ANK3: variants seen among roughly 807,000 people sequenced by gnomAD.
ANK3 encodes the protein ankyrin 3, also known as ankyrin-3.
ANK3 carries 57 observed loss-of-function variants against 370.9 expected under a neutral mutation model. That is an observed-to-expected ratio of 0.15 (90% CI 0.12 to 0.19). ANK3 has a LOEUF of 0.19. ANK3 is among the 10% of genes least tolerant of loss of function. The pLI, the probability that ANK3 is intolerant of heterozygous loss-of-function variation, is 1.00. For synonymous variants in ANK3, 1,929 were observed against 1,946.3 expected (o/e 0.99, Z 0.23); for missense variants, 4,439 against 5,302.1 (o/e 0.84, Z 5.06).
chr10:60,062,855 A>G, intron 40 of ANK3: 1 of 271,036 alleles, frequency 3.7e-6, no homozygotes, highest in Non-Finnish European at 6.8e-6. Flanking sequence ...ATGAAATATT[A>G]GAAATACCAA....
chr10:60,307,161 T>G (rs1389551783), intron 1 of ANK3, among the ~76,000 whole-genome samples: 2 of 152,238 alleles, frequency 1.3e-5, no homozygotes, highest in African/African-American at 2.4e-5. Flanking sequence ...GGTCATTTGT[T>G]TACAAATTGT....
chr10:60,315,171 C>G (rs1235166626), intron 1 of ANK3, among the ~76,000 whole-genome samples: 3 of 152,126 alleles, frequency 2.0e-5, no homozygotes, highest in Non-Finnish European at 2.9e-5. Flanking sequence ...ACAGTCAGAA[C>G]TGTAGGGCCA....
intron 1 of ANK3, among the ~76,000 whole-genome samples, chr10:60,386,274 A>G (rs2062298121): frequency 6.6e-6 from 1 of 152,106 alleles, no homozygotes; most frequent in African/African-American, 2.4e-5. Flanking sequence ...AAGATATGGC[A>G]GGGAAGGGCA....
chr10:60,601,883 T>A (rs1048752363), intron 2 of ANK3, among the ~76,000 whole-genome samples: 1 of 152,134 alleles, frequency 6.6e-6, no homozygotes, highest in Non-Finnish European at 1.5e-5. Flanking sequence ...GTTTACTTTT[T>A]AAAAAACAAA....
intron 1 of ANK3, among the ~76,000 whole-genome samples, chr10:60,300,855 T>C (rs2043546236): frequency 2.6e-5 from 4 of 152,150 alleles, no homozygotes; most frequent in Non-Finnish European, 4.4e-5. Context: ...TTTTAAACTT[T>C]TAATTTCCTT....
At chr10:60,234,820 T>C (rs1257248250) in intron 7 of ANK3, 34 bp from the exon 8 acceptor site, 9 of 1,481,214 alleles carry the variant, frequency 6.1e-6, no homozygotes, top group Non-Finnish European at 8.5e-6. Flanking sequence ...AGATTTGATA[T>C]TTTTGGTTTC....
intron 2 of ANK3, among the ~76,000 whole-genome samples, chr10:60,452,876 A>G (rs1019843531): frequency 1.3e-5 from 2 of 152,124 alleles, no homozygotes; most frequent in African/African-American, 2.4e-5. Flanking sequence ...GCAGGTGCTC[A>G]CAGCTTTTAG....
intron 2 of ANK3, among the ~76,000 whole-genome samples, chr10:60,482,529 C>T (rs1187179402): frequency 4.6e-5 from 7 of 152,100 alleles, no homozygotes; most frequent in African/African-American, 9.7e-5. Flanking sequence ...ACTCTGTCAC[C>T]CAGGCTGGAG....
At chr10:60,063,827 G>A (rs1295350737) in intron 39 of ANK3, among the ~76,000 whole-genome samples, 2 of 152,106 alleles carry the variant, frequency 1.3e-5, no homozygotes, top group African/African-American at 2.4e-5. Context: ...TGGTAACTTC[G>A]GAGTGTTTCT....
chr10:60,429,516 A>G (rs570120127), intron 2 of ANK3, among the ~76,000 whole-genome samples: 1 of 152,322 alleles, frequency 6.6e-6, no homozygotes, highest in East Asian at 1.9e-4. Flanking sequence ...TAGGAAAAAT[A>G]AGAAGTGAGT....
intron 7 of ANK3, among the ~76,000 whole-genome samples, chr10:60,237,589 T>G (rs1356104694): frequency 6.7e-6 from 1 of 150,204 alleles, no homozygotes; most frequent in Non-Finnish European, 1.5e-5. Context: ...CTTGAGTTTC[T>G]TTTTTTTCTC....
intron 27 of ANK3, 133 bp from the exon 28 acceptor site, chr10:60,106,192 G>T: frequency 1.3e-6 from 1 of 772,438 alleles, no homozygotes; most frequent in Non-Finnish European, 2.0e-6. Flanking sequence ...TTTCAAAGCT[G>T]CAGAATCATT....
At chr10:60,537,980 A>G (rs1355827247) in intron 2 of ANK3, among the ~76,000 whole-genome samples, 1 of 151,978 alleles carries the variant, frequency 6.6e-6, no homozygotes, top group East Asian at 1.9e-4. Flanking sequence ...GTATTAGTGT[A>G]ATGAATAAAT....
chr10:60,257,391 GTC>G, intron 7 of ANK3, among the ~76,000 whole-genome samples: 2 of 152,312 alleles, frequency 1.3e-5, no homozygotes, highest in South Asian at 4.1e-4. Context: ...CTGGGCCACA[GTC>G]TCTCAGCTTC....
chr10:60,544,290 C>T (rs1216094524), intron 2 of ANK3, among the ~76,000 whole-genome samples: 2 of 152,016 alleles, frequency 1.3e-5, no homozygotes, highest in East Asian at 3.8e-4. Context: ...ACTCAACAGA[C>T]TATCTGATGT....
chr10:60,542,843 G>A (rs569055711), intron 2 of ANK3, among the ~76,000 whole-genome samples: 2 of 151,900 alleles, frequency 1.3e-5, no homozygotes, highest in African/African-American at 2.4e-5. Context: ...GAACCATTAC[G>A]TTTTCTTTTA....
intron 2 of ANK3, among the ~76,000 whole-genome samples, chr10:60,450,998 T>C (rs1358001251): frequency 6.6e-6 from 1 of 152,144 alleles, no homozygotes; most frequent in South Asian, 2.1e-4. Context: ...GAAGAGATTA[T>C]CCTGGATTAG....
At chr10:60,420,437 A>T (rs2063754925) in intron 2 of ANK3, among the ~76,000 whole-genome samples, 1 of 152,100 alleles carries the variant, frequency 6.6e-6, no homozygotes, top group Non-Finnish European at 1.5e-5. Flanking sequence ...ATCAGAAGAG[A>T]GAGAATGACC....
intron 2 of ANK3, among the ~76,000 whole-genome samples, chr10:60,491,909 G>A (rs891269018): frequency 2.0e-5 from 3 of 152,080 alleles, no homozygotes; most frequent in Non-Finnish European, 4.4e-5. Context: ...GGCTTAACAT[G>A]TGGAAAGCAC....
Sources: allele counts gnomAD v4.1 joint callset (sites outside exome capture counted in the v4.1 genomes callset), GRCh38; gene constraint gnomAD v4.1.1; transcripts MANE v1.5; gene names NCBI Gene and HGNC (gene_info 2026-07-23, HGNC 2026-07-21).